Variants in MED12L observed in about 807,000 individuals in gnomAD.
MED12L encodes the protein mediator of RNA polymerase II transcription subunit 12-like protein.
MED12L carries 60 observed loss-of-function variants against 281.3 expected under a neutral mutation model. That is an observed-to-expected ratio of 0.21 (90% CI 0.17 to 0.26). The LOEUF (loss-of-function observed/expected upper bound fraction) is 0.26. Among genes scored for constraint, MED12L ranks in the 10% least tolerant of loss-of-function variants. MED12L has a pLI of 1.00. For missense variants in MED12L, 2,146 were observed against 2,680.9 expected, an observed-to-expected ratio of 0.80 and a Z score of 4.41; for synonymous variants, 974 against 987.2, an observed-to-expected ratio of 0.99 and a Z score of 0.25.
At chr3:151,129,728 TG>T (rs1715091302) in intron 5 of MED12L, among the ~76,000 whole-genome samples, 1 of 150,412 alleles carries the variant, frequency 6.6e-6, no homozygotes, top group African/African-American at 2.5e-5. Flanking sequence ...TGTGTGTGTG[TG>T]TGTGTGTGTG....
At chr3:151,316,120 C>T (rs1029043976) in intron 16 of MED12L, among the ~76,000 whole-genome samples, 6 of 151,998 alleles carry the variant, frequency 3.9e-5, no homozygotes, top group African/African-American at 1.2e-4. Flanking sequence ...GAGGATTGCC[C>T]TGTTCTTTGT....
chr3:151,126,377 CT>C lies in MED12L; in HGVS notation c.397-1444del, dbSNP rs1714527688. Among the ~76,000 whole-genome samples the C allele has an allele frequency of 2.0e-5, 3 of 152,288 alleles. 1 individual carries two copies. The highest frequency in any genetic ancestry group is 1.5e-5 in the Non-Finnish European group (1 of 68,034). ...GCATCTTACTGTGCAACCCAGGCAG[CT>C]TTTCCTTCAGCATTGAAAAGCTTTA... On this transcript the variant is annotated intron_variant, in intron 4 of 44. Coordinates refer to ENST00000687756, the MANE Select transcript of MED12L (RefSeq NM_001393769.1).
rs1719703671 is a variant in MED12L at position 151,432,981 on chromosome 3, A to G, written c.*177A>G. On this transcript the variant is annotated 3_prime_UTR_variant, in exon 45 of 45. Transcript: ENST00000687756. ...GTGTTTAAACAAAAAGCCAAGGAGA[A>G]GTTGTGGTTTGATTTTGTTGAATTC... The G allele has an allele frequency of 1.8e-6, 1 of 541,582 alleles. No individual in the cohort carries two copies. Among genetic ancestry groups the G allele is most frequent in the South Asian group, 2.7e-5 (1 of 36,562 alleles). 33.5% of individuals were successfully genotyped at this position (541,582 alleles called of 1,614,324 possible). A position where few individuals can be genotyped will look rare whatever the true frequency, so the allele number is the denominator to read the frequency against.
In MED12L at chr3:151,365,857, G is replaced by A. The variant is rs768404628; in HGVS notation, c.3193G>A (p.Asp1065Asn). 17 of 1,608,624 alleles carry A rather than the reference G, an allele frequency of 1.1e-5. No individual in the cohort carries two copies. The highest frequency in any genetic ancestry group is 1.4e-5 in the Non-Finnish European group (17 of 1,177,436). The change falls in exon 23 of 45, where the codon GAC becomes AAC. Residue 1065 changes from aspartate (D) to asparagine (N), a missense_variant. Asp to Asn is a conservative substitution (Grantham distance 23). Around this residue, in one of 9 missense-constraint regions of MED12L, gnomAD observed 404 missense variants for 603.5 expected, o/e 0.67. Transcript: ENST00000687756. ...MGHQDAGRIN[D>N]IANFSSELTA... is the part of the protein sequence containing the mutation. ...CTTCTTTTTCTTTTCTAGGATTAAC[G>A]ACATAGCCAATTTCTCCTCTGAGCT...
Position 151,435,623 on chromosome 3 carries a change from C to A in MED12L, c.*2819C>A, listed in dbSNP as rs1394400465. ...TCCCATTTATAAAGCTCCTATAATT[C>A]TTAAGTAAGTACTAGGTGAATGTTT... is the stretch of plus-strand genomic sequence containing the variant. On this transcript the variant is annotated 3_prime_UTR_variant, in exon 45 of 45. Transcript: ENST00000687756. The A allele has an allele frequency of 2.0e-5, 1 of 50,080 alleles. No homozygotes were observed. Among genetic ancestry groups the A allele is most frequent in the Non-Finnish European group, 5.2e-5 (1 of 19,290 alleles). 3.1% of individuals were successfully genotyped at this position (50,080 alleles called of 1,614,324 possible). A position where few individuals can be genotyped will look rare whatever the true frequency, so the allele number is the denominator to read the frequency against.
chr3:151,137,696 T>C (rs1716354930), intron 5 of MED12L, among the ~76,000 whole-genome samples: 1 of 152,220 alleles, frequency 6.6e-6, no homozygotes, highest in Non-Finnish European at 1.5e-5. Flanking sequence ...TTCTATTACA[T>C]GAACAATCAA....
At chr3:151,141,179 T>TTTTTTTTTTTGTTG (rs1203630968) in intron 5 of MED12L, among the ~76,000 whole-genome samples, 1 of 113,970 alleles carries the variant, frequency 8.8e-6, no homozygotes, top group East Asian at 2.7e-4. Context: ...TTTTTTTTTG[T>TTTTTTTTTTTGTTG]TTTTTTTGTT....
chr3:151,380,613 A>C (rs1053293325), intron 32 of MED12L, among the ~76,000 whole-genome samples: 2 of 151,810 alleles, frequency 1.3e-5, no homozygotes, highest in East Asian at 1.9e-4. Context: ...AAAAAAAAAA[A>C]AACAACTAGT....
chr3:151,354,594 A>G (rs1753688050), intron 17 of MED12L, among the ~76,000 whole-genome samples: 1 of 152,248 alleles, frequency 6.6e-6, no homozygotes, highest in African/African-American at 2.4e-5. Flanking sequence ...TATCATTGTA[A>G]TTTAAAAGTT....
rs1213133995 is a variant in MED12L, at chr3:151,365,840, T to C, written c.3186-10T>C. 12 of 1,601,802 alleles carry C rather than the reference T, an allele frequency of 7.5e-6. No homozygotes were observed. The highest frequency in any genetic ancestry group is 1.0e-5 in the Non-Finnish European group (12 of 1,174,880). On this transcript the variant is annotated splice_polypyrimidine_tract_variant and intron_variant, in intron 22 of 44. Transcript: ENST00000687756. Reference sequence around the variant, plus strand: ...AAGGTTACTTTCTGTGTCTTCTTTTTCTTTTCTAGGATTAACGACATAGCC... The same window carrying C: ...AAGGTTACTTTCTGTGTCTTCTTTTCCTTTTCTAGGATTAACGACATAGCC...
intron 8 of MED12L, among the ~76,000 whole-genome samples, 193 bp downstream of exon 8, chr3:151,160,294 C>T (rs150172236): frequency 1.3e-5 from 2 of 152,238 alleles, no homozygotes; most frequent in East Asian, 3.9e-4. Context: ...TTGTCACATT[C>T]GTCTAGGAGA....
Position 151,156,069 on chromosome 3 carries a change from C to T in MED12L, c.557-92C>T, listed in dbSNP as rs1576846894. On this transcript the variant is annotated intron_variant, in intron 5 of 44. Transcript: ENST00000687756. ...GGAGCAGATGTTTGTTTTATCAGTA[C>T]ACCCTCGAGATAATCAGAATGGGGA... The T allele has an allele frequency of 8.2e-6, 9 of 1,099,290 alleles. No individual in the cohort carries two copies. In the East Asian group the frequency reaches 2.0e-4, roughly 25 times the overall value. The allele number at this position is 1,099,290 out of a possible 1,614,324, so 68.1% of individuals were successfully genotyped here. A position where few individuals can be genotyped will look rare whatever the true frequency, so the allele number is the denominator to read the frequency against.
intron 11 of MED12L, among the ~76,000 whole-genome samples, chr3:151,166,524 G>C (rs1457318689): frequency 3.9e-5 from 6 of 151,962 alleles, no homozygotes; most frequent in Non-Finnish European, 8.8e-5. Context: ...AAAGAGAGGG[G>C]TATTTATTTT....
intron 16 of MED12L, among the ~76,000 whole-genome samples, chr3:151,253,271 A>G (rs1362549679): frequency 6.6e-6 from 1 of 152,180 alleles, no homozygotes; most frequent in Non-Finnish European, 1.5e-5. Flanking sequence ...ATTGAGAGGC[A>G]CGTATACTGC....
At chr3:151,138,674 AT>A (rs1716491647) in intron 5 of MED12L, among the ~76,000 whole-genome samples, 1 of 152,060 alleles carries the variant, frequency 6.6e-6, no homozygotes, top group Non-Finnish European at 1.5e-5. Flanking sequence ...TTTGTCTGAT[AT>A]TTTTCTTATG....
intron 16 of MED12L, among the ~76,000 whole-genome samples, chr3:151,207,386 T>C (rs1726523077): frequency 6.6e-6 from 1 of 152,136 alleles, no homozygotes; most frequent in Non-Finnish European, 1.5e-5. Context: ...CCTGTGGGAA[T>C]CCGGGTATTG....
chr3:151,279,662 G>A (rs1742490217), intron 16 of MED12L, among the ~76,000 whole-genome samples: 1 of 152,204 alleles, frequency 6.6e-6, no homozygotes, highest in South Asian at 2.1e-4. Flanking sequence ...GTTAGCTTCA[G>A]CTGCAGTGAG....
rs565397798 is a variant in MED12L at position 151,311,953 on chromosome 3, G to GGCGGAGGTT, written c.2251-38094_2251-38086dup. Among the ~76,000 whole-genome samples the GGCGGAGGTT allele has an allele frequency of 4.0e-3, 605 of 152,298 alleles. 9 individuals are homozygous for GGCGGAGGTT. The highest frequency in any genetic ancestry group is 0.029 in the East Asian group (151 of 5,176). On this transcript the variant is annotated intron_variant, in intron 16 of 44. Transcript: ENST00000687756. ...GCAGGAGAATTGTTCGAACCTGGGA[G>GGCGGAGGTT]GCGGAGGTTGCGGAGGTTGCAGAGG...
chr3:151,375,748 AC>A lies in MED12L; in HGVS notation c.3865-277del, dbSNP rs377207182. 4.5e-3 allele frequency among the ~76,000 whole-genome samples: 690 copies of A among 152,260 alleles called. 8 individuals carry two copies. The highest frequency in any genetic ancestry group is 0.015 in the African/African-American group (638 of 41,576). On this transcript the variant is annotated intron_variant, in intron 27 of 44. Transcript: ENST00000687756. ...AAAATAGTGCCTAGAGCAAGACCTT[AC>A]TTTCCAGTTAAAAACATACTAATAT...
Sources: gnomAD v4.1 joint callset for allele counts (sites outside exome capture counted in the v4.1 genomes callset) on GRCh38, gnomAD v4.1.1 for gene constraint, gnomAD v4.1.1 regional missense constraint, MANE v1.5 for transcripts, NCBI Gene and HGNC (gene_info 2026-07-23, HGNC 2026-07-21) for gene names.